The following PRKG1 variants were observed in gnomAD, a reference collection of about 807,000 sequenced individuals.
The protein encoded by PRKG1 is cGMP-dependent protein kinase 1.
Under a neutral mutation model 88.1 loss-of-function variants are expected in PRKG1, and 35 were observed. The ratio of observed to expected loss-of-function variants is 0.40; its 90% CI spans 0.30 to 0.53. PRKG1 has a LOEUF of 0.53. Ranked by LOEUF, PRKG1 falls within the 20% of genes least tolerant of loss-of-function variation. The probability of loss-of-function intolerance (pLI) is 0.59; values close to 1 mark genes in which losing one functional copy is unlikely to be tolerated. For missense variants in PRKG1, 540 were observed against 839.8 expected, an observed-to-expected ratio of 0.64 and a Z score of 4.41; for synonymous variants, 303 against 292.5, an observed-to-expected ratio of 1.04 and a Z score of -0.37.
chr10:51,905,774 T>C (rs2132942937), intron 4 of PRKG1, among the ~76,000 whole-genome samples: 1 of 152,306 alleles, frequency 6.6e-6, no homozygotes, highest in Admixed American at 6.5e-5. Context: ...ACTAAGCTAA[T>C]ATATTTCATG....
chr10:51,754,978 A>G (rs983378442), intron 3 of PRKG1, among the ~76,000 whole-genome samples: 3 of 149,614 alleles, frequency 2.0e-5, no homozygotes, highest in Admixed American at 6.7e-5. Flanking sequence ...AACCTTCTCA[A>G]TTATGCTTTG....
intron 2 of PRKG1, among the ~76,000 whole-genome samples, chr10:51,374,454 T>C (rs1477820548): frequency 6.6e-6 from 1 of 152,054 alleles, no homozygotes; most frequent in South Asian, 2.1e-4. Flanking sequence ...TTAACGCAGG[T>C]GTTTCTAATG....
chr10:51,078,575 T>C (rs1160703363), intron 1 of PRKG1, among the ~76,000 whole-genome samples: 2 of 145,860 alleles, frequency 1.4e-5, no homozygotes, highest in African/African-American at 2.5e-5. Flanking sequence ...GAGTTGAGGA[T>C]AAAAATATTT....
chr10:51,988,606 G>A (rs1372001141), intron 5 of PRKG1, among the ~76,000 whole-genome samples: 1 of 151,926 alleles, frequency 6.6e-6, no homozygotes, highest in Non-Finnish European at 1.5e-5. Flanking sequence ...AATAATAAAG[G>A]TAAACATTTT....
At chr10:51,634,976 C>A (rs10159761) in intron 3 of PRKG1, among the ~76,000 whole-genome samples, 123 of 152,176 alleles carry the variant, frequency 8.1e-4, no homozygotes, top group African/African-American at 3.0e-3. Flanking sequence ...GATTGAAAAA[C>A]AACCTGTTAG....
At chr10:51,334,402 G>C (rs781521686) in intron 2 of PRKG1, among the ~76,000 whole-genome samples, 3 of 151,948 alleles carry the variant, frequency 2.0e-5, no homozygotes, top group Non-Finnish European at 2.9e-5. Flanking sequence ...AGTTATATGA[G>C]GGAAGAAACC....
At chr10:51,660,358 G>C (rs767068937) in intron 3 of PRKG1, among the ~76,000 whole-genome samples, 5 of 151,624 alleles carry the variant, frequency 3.3e-5, no homozygotes, top group African/African-American at 4.8e-5. Flanking sequence ...CAGTTTCAAG[G>C]GAGAGAGCAG....
At chr10:52,137,417 T>TA (rs1474412307) in intron 8 of PRKG1, among the ~76,000 whole-genome samples, 1 of 151,998 alleles carries the variant, frequency 6.6e-6, no homozygotes, top group Non-Finnish European at 1.5e-5. Flanking sequence ...CTTAAATATA[T>TA]AAAAAACAAT....
intron 7 of PRKG1, among the ~76,000 whole-genome samples, chr10:52,067,472 C>G (rs912129376): frequency 2.6e-5 from 4 of 152,004 alleles, no homozygotes; most frequent in African/African-American, 9.7e-5. Context: ...ATGGCATTGC[C>G]GAAATGTAAA....
chr10:51,001,380 C>T (rs997328365), intron 1 of PRKG1, among the ~76,000 whole-genome samples: 13 of 152,120 alleles, frequency 8.5e-5, no homozygotes, highest in Non-Finnish European at 1.8e-4. Context: ...GTGCTTCCCC[C>T]GACTCCTTTC....
At chr10:51,632,605 G>T (rs1356357588) in intron 3 of PRKG1, among the ~76,000 whole-genome samples, 3 of 152,164 alleles carry the variant, frequency 2.0e-5, no homozygotes, top group African/African-American at 7.2e-5. Flanking sequence ...CCCCTACTGA[G>T]CTGATATTTT....
At chr10:51,636,153 G>C (rs1839650988) in intron 3 of PRKG1, among the ~76,000 whole-genome samples, 1 of 152,058 alleles carries the variant, frequency 6.6e-6, no homozygotes, top group African/African-American at 2.4e-5. Context: ...GAAGTAAGTG[G>C]AGTTTAAATG....
At chr10:51,996,164 T>G (rs1441118280) in intron 5 of PRKG1, among the ~76,000 whole-genome samples, 3 of 151,004 alleles carry the variant, frequency 2.0e-5, no homozygotes, top group African/African-American at 4.9e-5. Flanking sequence ...ATACAAAAAA[T>G]TAGCCGGGCA....
chr10:51,215,202 G>A (rs1415795375), intron 2 of PRKG1, among the ~76,000 whole-genome samples: 1 of 152,106 alleles, frequency 6.6e-6, no homozygotes, highest in African/African-American at 2.4e-5. Flanking sequence ...AAAGATGCTC[G>A]ACAGCACATT....
chr10:51,046,671 A>G (rs1053785200), intron 1 of PRKG1, among the ~76,000 whole-genome samples: 1 of 152,238 alleles, frequency 6.6e-6, no homozygotes, highest in Non-Finnish European at 1.5e-5. Context: ...ACCAGCGGAA[A>G]TGAAAAAGTT....
intron 3 of PRKG1, among the ~76,000 whole-genome samples, chr10:51,740,192 A>C (rs1332255288): frequency 2.0e-5 from 3 of 152,068 alleles, no homozygotes; most frequent in Admixed American, 1.3e-4. Flanking sequence ...CACCCAACTA[A>C]CTTTTGTATT....
chr10:51,152,964 A>G (rs977478439), intron 1 of PRKG1, among the ~76,000 whole-genome samples, 200 bp from the exon 2 acceptor site: 5 of 148,304 alleles, frequency 3.4e-5, no homozygotes, highest in Non-Finnish European at 7.4e-5. Context: ...ACTTAAAAAA[A>G]ATTCTTAGTG....
chr10:51,171,705 T>C (rs992364474), intron 2 of PRKG1, among the ~76,000 whole-genome samples: 5 of 152,116 alleles, frequency 3.3e-5, no homozygotes, highest in African/African-American at 1.2e-4. Context: ...GGGATTTCTT[T>C]ATTGAAATGA....
At chr10:51,984,014 G>C (rs1046219345) in intron 5 of PRKG1, among the ~76,000 whole-genome samples, 6 of 152,208 alleles carry the variant, frequency 3.9e-5, no homozygotes, top group African/African-American at 1.4e-4. Context: ...TGTAGTTCTG[G>C]AGAAAGATGA....
Sources: gnomAD v4.1 joint callset for allele counts (sites outside exome capture counted in the v4.1 genomes callset) on GRCh38, gnomAD v4.1.1 for gene constraint, MANE v1.5 for transcripts, NCBI Gene and HGNC (gene_info 2026-07-23, HGNC 2026-07-21) for gene names.